The following SDK2 variants were observed in gnomAD, a reference collection of about 807,000 sequenced individuals.
The protein encoded by SDK2 is protein sidekick-2.
SDK2 carries 105 observed loss-of-function variants against 253.9 expected under a neutral mutation model. The ratio of observed to expected loss-of-function variants is 0.41; its 90% CI spans 0.35 to 0.49. The LOEUF (loss-of-function observed/expected upper bound fraction) is 0.49. Ranked by LOEUF, SDK2 falls within the 20% of genes least tolerant of loss-of-function variation. The pLI is 0.06. For missense variants in SDK2, 2,608 were observed against 3,003.0 expected, an observed-to-expected ratio of 0.87 and a Z score of 3.07; for synonymous variants, 1,249 against 1,234.9, an observed-to-expected ratio of 1.01 and a Z score of -0.24.
intron 44 of SDK2, among the ~76,000 whole-genome samples, chr17:73,345,181 T>C (rs1296215905): frequency 6.6e-6 from 1 of 152,036 alleles, no homozygotes; most frequent in East Asian, 1.9e-4. Context: ...TAGCTTGGTG[T>C]GGTGGTAGGT....
intron 1 of SDK2, among the ~76,000 whole-genome samples, chr17:73,578,506 G>T (rs1183409941): frequency 6.6e-6 from 1 of 152,126 alleles, no homozygotes; most frequent in Non-Finnish European, 1.5e-5. Flanking sequence ...ACACCACAGT[G>T]GTCCCTACCT....
At chr17:73,518,832 A>C (rs1034142983) in intron 1 of SDK2, 7 of 152,212 alleles carry the variant, frequency 4.6e-5, no homozygotes, top group African/African-American at 1.4e-4. Context: ...CAGTGGCCCC[A>C]AGGCAGGACA....
At chr17:73,424,162 C>A (rs769275141) in intron 12 of SDK2, 70 bp from the exon 13 acceptor site, 6 of 1,338,322 alleles carry the variant, frequency 4.5e-6, no homozygotes, top group Non-Finnish European at 4.1e-6. Context: ...TAGCCTGAAG[C>A]TTGTCCCGAG....
chr17:73,521,389 A>T (rs2064078197), intron 1 of SDK2: 1 of 152,170 alleles, frequency 6.6e-6, no homozygotes, highest in African/African-American at 2.4e-5. Flanking sequence ...ATAAAAAAAA[A>T]TAAAAAACAT....
chr17:73,385,758 C>A, intron 32 of SDK2, 89 bp downstream of exon 32: 2 of 1,239,904 alleles, frequency 1.6e-6, no homozygotes, highest in South Asian at 2.6e-5. Context: ...GGGGGCTCCA[C>A]GCAGCCCTGG....
chr17:73,455,868 C>T lies in SDK2; in HGVS notation c.479+38G>A. 6.6e-7 allele frequency: 1 copy of T among 1,509,140 alleles called. No homozygotes were observed. The highest frequency in any genetic ancestry group is 8.9e-7 in the Non-Finnish European group (1 of 1,128,838). The allele number at this position is 1,509,140 out of a possible 1,614,324, so 93.5% of individuals were successfully genotyped here. On this transcript the variant is annotated intron_variant, in intron 4 of 44. Coordinates refer to ENST00000392650, the MANE Select transcript of SDK2 (RefSeq NM_001144952.2). The surrounding 1 kb of genome is among the most constrained non-coding windows in gnomAD (Gnocchi z 5.0). ...GGCCCCAAACCTCCTCCCCCAGACA[C>T]CCCTCCCCTCCCCGTCCCCTCAGAG...
At chr17:73,353,729 A>G (rs1599476108) in intron 40 of SDK2, among the ~76,000 whole-genome samples, 8 of 82,486 alleles carry the variant, frequency 9.7e-5, no homozygotes, top group Non-Finnish European at 9.0e-5. Context: ...TTTGAGATGG[A>G]GTCTCACTCT....
At chr17:73,390,255 C>T (rs748546066) in intron 29 of SDK2, 32 bp downstream of exon 29, 2 of 1,518,208 alleles carry the variant, frequency 1.3e-6, no homozygotes, top group Non-Finnish European at 1.8e-6. Context: ...TCAGCTGCCC[C>T]CAAGCCTTCC....
intron 1 of SDK2, among the ~76,000 whole-genome samples, chr17:73,530,563 T>C (rs901873017): frequency 1.3e-5 from 2 of 152,136 alleles, no homozygotes; most frequent in Non-Finnish European, 2.9e-5. Flanking sequence ...CAGAACACCC[T>C]ATATACAAGG....
chr17:73,564,502 T>C (rs549963363), intron 1 of SDK2, among the ~76,000 whole-genome samples: 17 of 152,320 alleles, frequency 1.1e-4, no homozygotes, highest in South Asian at 6.2e-4. Context: ...CCTGGTGTCC[T>C]GCCCTGCTCC....
rs182393302 is a variant in SDK2 at position 73,506,995 on chromosome 17, T to G, written c.224+443A>C. Among the ~76,000 whole-genome samples, 25 of 152,204 alleles carry G rather than the reference T, an allele frequency of 1.6e-4. 1 individual carries two copies. Among genetic ancestry groups the G allele is most frequent in the Admixed American group, 3.3e-4 (5 of 15,286 alleles). ...GTGTCCCACCTGAATTTCCCATAGA[T>G]AGAAGATGTCCCCTCCTTCACTGAT... On this transcript the variant is annotated intron_variant, in intron 2 of 44. Coordinates refer to ENST00000392650, the MANE Select transcript of SDK2 (RefSeq NM_001144952.2).
chr17:73,575,437 T>C (rs2045444946), intron 1 of SDK2, among the ~76,000 whole-genome samples: 1 of 152,216 alleles, frequency 6.6e-6, no homozygotes, highest in Non-Finnish European at 1.5e-5. Context: ...CCAGGCATCA[T>C]GTGAGGCTGT....
intron 1 of SDK2, among the ~76,000 whole-genome samples, chr17:73,561,632 T>A (rs538412925): frequency 1.3e-5 from 2 of 152,204 alleles, no homozygotes; most frequent in African/African-American, 4.8e-5. Context: ...TCTGGTGGCC[T>A]CCAATGGCTA....
intron 34 of SDK2, among the ~76,000 whole-genome samples, chr17:73,380,297 T>C (rs73345937): frequency 0.16 from 24,414 of 152,004 alleles, 3,861 homozygotes; most frequent in African/African-American, 0.41. Context: ...AGGAAGAGAA[T>C]TTAGCCTTAA....
At chr17:73,363,058 T>G (rs959294402) in intron 38 of SDK2, among the ~76,000 whole-genome samples, 2 of 152,218 alleles carry the variant, frequency 1.3e-5, no homozygotes, top group Non-Finnish European at 2.9e-5. Context: ...TGTAGGTGCC[T>G]GACCTATTTA....
intron 18 of SDK2, among the ~76,000 whole-genome samples, chr17:73,411,296 C>T (rs1304330557): frequency 1.3e-5 from 2 of 152,214 alleles, no homozygotes; most frequent in Admixed American, 1.3e-4. Flanking sequence ...TCATCCCAGT[C>T]CCTTCTTGTC....
At position 73,435,498 on chromosome 17, in the gene SDK2, G is replaced by A. The variant is rs780635031; in HGVS notation, c.1147C>T (p.Arg383Cys). ...GTTTGCACCTCGCCGGCTGCATTGC[G>A]GGCGAAGCACTGGAACATGCCGGTA... ...DDTGMFQCFA[R>C]NAAGEVQTST... is the part of the protein sequence containing the mutation. Residue 383 changes from arginine to cysteine, a missense_variant, in exon 9 of 45, where the codon CGC becomes TGC. Physicochemically the swap from Arg to Cys is radical, Grantham distance 180 (BLOSUM62 -3). Coordinates refer to ENST00000392650, the MANE Select transcript of SDK2 (RefSeq NM_001144952.2). The surrounding 1 kb of genome is among the most constrained non-coding windows in gnomAD (Gnocchi z 5.7). The A allele has an allele frequency of 1.6e-5, 26 of 1,600,808 alleles. No individual in the cohort carries two copies. Among genetic ancestry groups the A allele is most frequent in the East Asian group, 1.1e-4 (5 of 44,212 alleles).
chr17:73,537,966 C>T (rs1426266707), intron 1 of SDK2, among the ~76,000 whole-genome samples: 3 of 152,152 alleles, frequency 2.0e-5, no homozygotes, highest in Non-Finnish European at 2.9e-5. Flanking sequence ...TGTGCACTGA[C>T]CTGACCTGGA....
At chr17:73,623,570 G>A (rs144300403) in intron 1 of SDK2, among the ~76,000 whole-genome samples, 101 of 152,322 alleles carry the variant, frequency 6.6e-4, no homozygotes, top group Non-Finnish European at 6.6e-4. Context: ...TACCCTAACC[G>A]AGTTCAGTGC....
Sources: gnomAD v4.1 joint callset for allele counts (sites outside exome capture counted in the v4.1 genomes callset) on GRCh38, gnomAD v4.1.1 for gene constraint, Gnocchi (gnomAD v3.1) non-coding constraint, MANE v1.5 for transcripts, NCBI Gene and HGNC (gene_info 2026-07-23, HGNC 2026-07-21) for gene names.